The following ALK variants were observed in gnomAD, a reference collection of about 807,000 sequenced individuals.
The protein encoded by ALK is ALK receptor tyrosine kinase.
A neutral mutation model predicts 163.1 loss-of-function variants in ALK; 74 were observed. That is an observed-to-expected ratio of 0.45 (90% CI 0.38 to 0.55). ALK has a LOEUF of 0.55. Ranked by LOEUF, ALK falls within the 20% of genes least tolerant of loss-of-function variation. ALK has a pLI of 0.00. For missense variants in ALK, 2,063 were observed against 2,105.3 expected, an observed-to-expected ratio of 0.98 and a Z score of 0.39; for synonymous variants, 960 against 843.2, an observed-to-expected ratio of 1.14 and a Z score of -2.40.
chr2:29,269,484 C>A (rs989569198), intron 11 of ALK, among the ~76,000 whole-genome samples: 4 of 152,138 alleles, frequency 2.6e-5, no homozygotes, highest in African/African-American at 9.7e-5. Context: ...ACCTCTCTTC[C>A]TGGAGCACAG....
intron 1 of ALK, among the ~76,000 whole-genome samples, chr2:29,761,934 C>T (rs542303439): frequency 1.3e-5 from 2 of 152,298 alleles, no homozygotes; most frequent in Admixed American, 1.3e-4. Context: ...AAGCATTCAC[C>T]TCTATTCAAA....
At chr2:29,376,067 G>A (rs747546594) in intron 5 of ALK, among the ~76,000 whole-genome samples, 5 of 151,896 alleles carry the variant, frequency 3.3e-5, no homozygotes, top group African/African-American at 9.7e-5. Flanking sequence ...TGGCCGGAAA[G>A]ATGTCAGCCC....
chr2:29,368,707 T>C (rs1008324357), intron 5 of ALK, among the ~76,000 whole-genome samples: 1 of 152,186 alleles, frequency 6.6e-6, no homozygotes, highest in African/African-American at 2.4e-5. Context: ...TAAGACCTCA[T>C]AGCCTTTTTC....
chr2:29,417,691 G>A (rs4350701), intron 4 of ALK, among the ~76,000 whole-genome samples: 148,599 of 152,356 alleles, frequency 0.98, 72,576 homozygotes, highest in Non-Finnish European at 1. Context: ...CAAGTGGACG[G>A]TTTCCTACCG....
At chr2:29,444,786 G>GCATT (rs1670630628) in intron 4 of ALK, among the ~76,000 whole-genome samples, 1 of 152,142 alleles carries the variant, frequency 6.6e-6, no homozygotes, top group Admixed American at 6.5e-5. Context: ...TAGGCACTGT[G>GCATT]CATTCCTCTT....
At chr2:29,296,858 AG>A in intron 9 of ALK, 29 bp downstream of exon 9, 3 of 1,613,856 alleles carry the variant, frequency 1.9e-6, no homozygotes, top group Non-Finnish European at 2.5e-6. Context: ...ATAGAGGAGA[AG>A]GGTATTGGGG....
At chr2:29,694,379 G>A (rs941622107) in intron 3 of ALK, among the ~76,000 whole-genome samples, 4 of 152,204 alleles carry the variant, frequency 2.6e-5, no homozygotes, top group Admixed American at 6.5e-5. Context: ...AGATCTGGCA[G>A]TAAAAATAAA....
chr2:29,405,018 A>G (rs1669546711), intron 4 of ALK, among the ~76,000 whole-genome samples: 1 of 152,220 alleles, frequency 6.6e-6, no homozygotes, highest in African/African-American at 2.4e-5. Flanking sequence ...CAAAATGTTG[A>G]GAGAAAAGTA....
intron 11 of ALK, among the ~76,000 whole-genome samples, chr2:29,258,312 GA>G (rs1665001738): frequency 6.6e-6 from 1 of 152,200 alleles, no homozygotes; most frequent in Admixed American, 6.5e-5. Flanking sequence ...CTTTGTGTCT[GA>G]TTATTGCTCT....
chr2:29,647,488 G>C (rs1320191360), intron 3 of ALK, among the ~76,000 whole-genome samples: 2 of 152,064 alleles, frequency 1.3e-5, no homozygotes, highest in Non-Finnish European at 2.9e-5. Flanking sequence ...TCAGTGGCCT[G>C]CAATCTTTCA....
chr2:29,503,801 A>G (rs1343844904), intron 4 of ALK, among the ~76,000 whole-genome samples: 1 of 152,058 alleles, frequency 6.6e-6, no homozygotes, highest in African/African-American at 2.4e-5. Context: ...GCATTAAATT[A>G]ACAAAATTTA....
intron 1 of ALK, among the ~76,000 whole-genome samples, chr2:29,908,037 C>G (rs761834750): frequency 4.6e-5 from 7 of 152,126 alleles, no homozygotes; most frequent in Non-Finnish European, 7.3e-5. Flanking sequence ...AATAGCTTCA[C>G]GGGGCTCCAA....
intron 1 of ALK, among the ~76,000 whole-genome samples, chr2:29,731,316 C>A (rs1195686970): frequency 6.6e-6 from 1 of 152,228 alleles, no homozygotes; most frequent in African/African-American, 2.4e-5. Flanking sequence ...AGGGGCTCAT[C>A]ATGACTGGTG....
At chr2:29,851,918 G>A (rs1422009623) in intron 1 of ALK, among the ~76,000 whole-genome samples, 3 of 152,236 alleles carry the variant, frequency 2.0e-5, no homozygotes, top group Non-Finnish European at 4.4e-5. Flanking sequence ...GAATGTCCAA[G>A]GGACTGGCCA....
At position 29,226,993 on chromosome 2, in the gene ALK, G is replaced by A. The variant is rs1376365612; in HGVS notation, c.2996C>T (p.Pro999Leu). The change falls in exon 18 of 29, where the codon CCT (proline) becomes CTT (leucine). Residue 999 changes from proline to leucine, a missense_variant. Coordinates refer to ENST00000389048, the MANE Select transcript of ALK (RefSeq NM_004304.5). The stretch of plus-strand genomic sequence containing the variant: ...GAAGCAGATGACCTTGTGGCTTTCA[G>A]GGTCCATGTGACATTCGTCTACCTC... ...HCEVDECHMD[P>L]ESHKVICFCD... 6.2e-7 allele frequency: 1 copy of A among 1,614,086 alleles called. No individual in the cohort carries two copies. Among genetic ancestry groups the A allele is most frequent in the Non-Finnish European group, 8.5e-7 (1 of 1,180,052 alleles).
intron 3 of ALK, among the ~76,000 whole-genome samples, chr2:29,614,659 C>G (rs1322162034): frequency 6.6e-6 from 1 of 152,234 alleles, no homozygotes; most frequent in Admixed American, 6.5e-5. Flanking sequence ...GTCAATTTAG[C>G]CAGAATCCCC....
intron 4 of ALK, among the ~76,000 whole-genome samples, chr2:29,401,667 C>T (rs541389818): frequency 6.6e-6 from 1 of 152,248 alleles, no homozygotes; most frequent in African/African-American, 2.4e-5. Context: ...CACATCAGAC[C>T]TAGTACCTTC....
chr2:29,290,270 C>A lies in ALK; in HGVS notation c.1817+6618G>T, dbSNP rs151262271. 5.5e-3 allele frequency among the ~76,000 whole-genome samples: 832 copies of A among 152,256 alleles called. 6 individuals are homozygous for A. Among genetic ancestry groups the A allele is most frequent in the Middle Eastern group, 0.017 (5 of 294 alleles). On this transcript the variant is annotated intron_variant, in intron 9 of 28. Transcript: ENST00000389048. ...TCTACCCTAGCTGCTCAGATGCGAGCCTGAGTGAGAACCTTGTGTTGTGAA... is the reference window on the plus strand; with the variant it reads ...TCTACCCTAGCTGCTCAGATGCGAGACTGAGTGAGAACCTTGTGTTGTGAA...
chr2:29,666,032 G>T (rs760540135), intron 3 of ALK, among the ~76,000 whole-genome samples: 10 of 151,942 alleles, frequency 6.6e-5, no homozygotes, highest in African/African-American at 2.4e-4. Flanking sequence ...CGAAGTTCAC[G>T]CAACAGTGCT....
Sources: gnomAD v4.1 joint callset for allele counts (sites outside exome capture counted in the v4.1 genomes callset) on GRCh38, gnomAD v4.1.1 for gene constraint, MANE v1.5 for transcripts, NCBI Gene and HGNC (gene_info 2026-07-23, HGNC 2026-07-21) for gene names.